The following TNS1 variants were observed in gnomAD, a reference collection of about 807,000 sequenced individuals.
TNS1 encodes tensin-1.
TNS1 carries 62 observed loss-of-function variants against 168.6 expected under a neutral mutation model. The observed-to-expected ratio is 0.37, with a 90% CI of 0.30 to 0.45. The LOEUF (loss-of-function observed/expected upper bound fraction) is 0.45, where lower values mean the gene tolerates loss of function less well. TNS1 is among the 20% of genes least tolerant of loss of function. TNS1 has a pLI of 1.00. For synonymous variants in TNS1, 934 were observed against 933.2 expected, an observed-to-expected ratio of 1.00 and a Z score of -0.02; for missense variants, 2,240 against 2,339.4, an observed-to-expected ratio of 0.96 and a Z score of 0.88.
Position 217,903,480 on chromosome 2 carries a change from G to C in TNS1, c.321+2855C>G, listed in dbSNP as rs546227036. On this transcript the variant is annotated intron_variant, in intron 6 of 32. Coordinates refer to ENST00000682258, the MANE Select transcript of TNS1 (RefSeq NM_001387777.1). ...TAATCCTATTCTTTTCCTCTCCGGG[G>C]ATCACAAATCACCTTACCCAAATGG... The C allele has an allele frequency of 7.7e-6, 10 of 1,300,808 alleles. No homozygotes were observed. In the East Asian group the frequency reaches 2.1e-4, roughly 27 times the overall value. The allele number at this position is 1,300,808 out of a possible 1,614,324, so 80.6% of individuals were successfully genotyped here.
rs569905212 is a variant in TNS1 at position 217,919,019 on chromosome 2, G to A, written c.228+1176C>T. 3.3e-5 allele frequency among the ~76,000 whole-genome samples: 5 copies of A among 152,212 alleles called. No homozygotes were observed. The East Asian group carries it at 7.8e-4, about 24-fold the overall frequency. On this transcript the variant is annotated intron_variant, in intron 4 of 32. Coordinates refer to ENST00000682258, the MANE Select transcript of TNS1 (RefSeq NM_001387777.1). ...AACCCCAGCAGGCCTGAGCCCGAGC[G>A]TGCAGAGCAGTGACACTTAGAGTCC...
intron 1 of TNS1, among the ~76,000 whole-genome samples, chr2:218,001,421 G>A (rs888932508): frequency 6.6e-6 from 1 of 152,090 alleles, no homozygotes; most frequent in Non-Finnish European, 1.5e-5. Flanking sequence ...TCAGCTGAAG[G>A]GATCTATAGA....
At position 217,804,165 on chromosome 2, in the gene TNS1, G is replaced by T. The variant is rs1326151095; in HGVS notation, c.*294C>A. 2 of 318,498 alleles carry T rather than the reference G, an allele frequency of 6.3e-6. No homozygotes were observed. The highest frequency in any genetic ancestry group is 1.2e-5 in the Non-Finnish European group (2 of 171,872). 19.7% of individuals were successfully genotyped at this position (318,498 alleles called of 1,614,324 possible). On this transcript the variant is annotated 3_prime_UTR_variant, in exon 33 of 33. Transcript: ENST00000682258. ...ACATCCATCTTCTTAGGGGAGGGAG[G>T]GGGTGTTAGGTGGACCTGGTTAGTT...
chr2:217,955,027 G>A (rs1160989546), intron 3 of TNS1, among the ~76,000 whole-genome samples: 1 of 152,188 alleles, frequency 6.6e-6, no homozygotes, highest in Non-Finnish European at 1.5e-5. Context: ...AACAGCGGCT[G>A]GGTGCAGGTA....
chr2:218,028,777 G>A (rs1306318350), intron 1 of TNS1, among the ~76,000 whole-genome samples: 2 of 152,236 alleles, frequency 1.3e-5, no homozygotes, highest in Admixed American at 6.5e-5. Context: ...GGTCTTGGGG[G>A]TGGAGGTGAA....
At chr2:218,007,417 C>A (rs372481352), upstream of TNS1, among the ~76,000 whole-genome samples, 11 of 152,268 alleles carry the variant, frequency 7.2e-5, no homozygotes, top group Admixed American at 1.3e-4. Flanking sequence ...AAATGGAGCT[C>A]AGGTCATCTG....
intron 3 of TNS1, among the ~76,000 whole-genome samples, chr2:217,922,811 G>T (rs1392569248): frequency 6.6e-6 from 1 of 152,204 alleles, no homozygotes; most frequent in Non-Finnish European, 1.5e-5. Flanking sequence ...CTGATGCCTT[G>T]GTGCCCCCTC....
intron 1 of TNS1, among the ~76,000 whole-genome samples, chr2:218,009,570 T>C (rs1958688238): frequency 6.6e-6 from 1 of 151,488 alleles, no homozygotes; most frequent in Admixed American, 6.6e-5. Flanking sequence ...CCTCTCCCTG[T>C]CCAGTTCCCT....
intron 22 of TNS1, among the ~76,000 whole-genome samples, chr2:217,823,195 A>G (rs1020520274): frequency 2.6e-5 from 4 of 152,194 alleles, no homozygotes; most frequent in Admixed American, 2.6e-4. Context: ...GTAAAGACTT[A>G]ATAGTAAATA....
chr2:217,842,996 C>T (rs1334792036), intron 19 of TNS1, among the ~76,000 whole-genome samples: 1 of 152,196 alleles, frequency 6.6e-6, no homozygotes, highest in African/African-American at 2.4e-5. Flanking sequence ...GTATCCATCT[C>T]TGCTGTAAGG....
At chr2:217,808,215 C>T in intron 31 of TNS1, 108 bp from the exon 32 acceptor site, 2 of 1,323,884 alleles carry the variant, frequency 1.5e-6, no homozygotes, top group Non-Finnish European at 2.1e-6. Context: ...AGGAGCTGCC[C>T]CCCATTCCCC....
At chr2:217,989,476 G>C (rs773472013) in intron 2 of TNS1, among the ~76,000 whole-genome samples, 1 of 152,126 alleles carries the variant, frequency 6.6e-6, no homozygotes. Flanking sequence ...TTGGTGGGAC[G>C]TGGGGGTGAA....
chr2:217,920,158 G>A (rs1955569484), intron 4 of TNS1, 37 bp downstream of exon 4: 1 of 702,902 alleles, frequency 1.4e-6, no homozygotes, highest in Non-Finnish European at 2.6e-6. Flanking sequence ...AGGGAGAGGA[G>A]GCAGGGCTTG....
intron 1 of TNS1, among the ~76,000 whole-genome samples, chr2:218,020,878 GGAGGA>G (rs1401502601): frequency 1.3e-5 from 2 of 152,174 alleles, no homozygotes; most frequent in African/African-American, 4.8e-5. Flanking sequence ...GCAGGGTAAG[GGAGGA>G]GAGCAAAGGC....
At chr2:217,908,776 G>A (rs898350228) in intron 4 of TNS1, among the ~76,000 whole-genome samples, 2 of 152,144 alleles carry the variant, frequency 1.3e-5, no homozygotes, top group Non-Finnish European at 2.9e-5. Context: ...GGCAGCTGGG[G>A]ACGGTAGAGG....
chr2:217,950,571 T>C (rs1207481523), intron 3 of TNS1, among the ~76,000 whole-genome samples: 1 of 150,094 alleles, frequency 6.7e-6, no homozygotes, highest in Non-Finnish European at 1.5e-5. Flanking sequence ...ACATGTGCTG[T>C]CCCAGGTAGG....
intron 2 of TNS1, among the ~76,000 whole-genome samples, chr2:217,980,417 A>T (rs1473294488): frequency 6.6e-6 from 1 of 151,706 alleles, no homozygotes; most frequent in African/African-American, 2.4e-5. Flanking sequence ...GCCCCACCCC[A>T]TCCAAATAGA....
chr2:217,910,240 T>C (rs1954210487), intron 4 of TNS1, among the ~76,000 whole-genome samples: 1 of 152,128 alleles, frequency 6.6e-6, no homozygotes, highest in South Asian at 2.1e-4. Flanking sequence ...CCATGCCAGC[T>C]GGAGGCCGGC....
At chr2:217,888,286 T>G (rs1197013230) in intron 12 of TNS1, among the ~76,000 whole-genome samples, 2 of 152,100 alleles carry the variant, frequency 1.3e-5, no homozygotes, top group Non-Finnish European at 2.9e-5. Flanking sequence ...CCTCTCTCTT[T>G]CCCTGCCCTC....
Sources: gnomAD v4.1 joint callset for allele counts (sites outside exome capture counted in the v4.1 genomes callset) on GRCh38, gnomAD v4.1.1 for gene constraint, MANE v1.5 for transcripts, NCBI Gene and HGNC (gene_info 2026-07-23, HGNC 2026-07-21) for gene names.